Variants in RALA observed in about 807,000 individuals in gnomAD.
The protein encoded by RALA is ras-related protein Ral-A.
RALA carries 5 observed loss-of-function variants against 24.0 expected under a neutral mutation model. The ratio of observed to expected loss-of-function variants is 0.21; its 90% CI spans 0.11 to 0.44. The LOEUF (loss-of-function observed/expected upper bound fraction) is 0.44. Ranked by LOEUF, RALA falls within the 20% of genes least tolerant of loss-of-function variation. The pLI, the probability that RALA is intolerant of heterozygous loss-of-function variation, is 0.99. For synonymous variants in RALA, 77 were observed against 83.8 expected (o/e 0.92, Z 0.44); for missense variants, 95 against 241.2 (o/e 0.39, Z 4.01).
At chr7:39,698,539 A>G (rs1027627892) in intron 4 of RALA, among the ~76,000 whole-genome samples, 6 of 152,250 alleles carry the variant, frequency 3.9e-5, no homozygotes, top group Admixed American at 3.9e-4. Context: ...ATATTTTTAA[A>G]ATACTAATGA....
Position 39,706,798 on chromosome 7 carries a change from T to G in RALA, c.*553T>G, listed in dbSNP as rs1793127571. On this transcript the variant is annotated 3_prime_UTR_variant, in exon 5 of 5. Transcript: ENST00000005257. ...TGCTTTAATTACCTGGTGAGTAACTTAGAAAAGTGGTGTAAACTTGTACAT... is the reference window on the plus strand; with the variant it reads ...TGCTTTAATTACCTGGTGAGTAACTGAGAAAAGTGGTGTAAACTTGTACAT... The G allele has an allele frequency of 6.5e-6, 1 of 152,746 alleles. No individual in the cohort carries two copies. Among genetic ancestry groups the G allele is most frequent in the Non-Finnish European group, 1.5e-5 (1 of 68,152 alleles). 9.5% of individuals were successfully genotyped at this position (152,746 alleles called of 1,614,324 possible).
chr7:39,689,634 A>T (rs1046098061), intron 2 of RALA, among the ~76,000 whole-genome samples: 2 of 152,224 alleles, frequency 1.3e-5, no homozygotes, highest in Non-Finnish European at 2.9e-5. Context: ...ATCAAAAGAT[A>T]GGCCGGGCCT....
At chr7:39,644,198 TA>T (rs1157126328) in intron 1 of RALA, among the ~76,000 whole-genome samples, 2 of 150,466 alleles carry the variant, frequency 1.3e-5, no homozygotes, top group Non-Finnish European at 3.0e-5. Flanking sequence ...GGGAAATTCC[TA>T]TGTTTTTTTT....
intron 1 of RALA, among the ~76,000 whole-genome samples, chr7:39,651,882 C>T (rs1156339436): frequency 1.3e-5 from 2 of 152,062 alleles, no homozygotes; most frequent in Non-Finnish European, 2.9e-5. Flanking sequence ...TAATTTTTTA[C>T]TATGATGAAT....
intron 1 of RALA, among the ~76,000 whole-genome samples, chr7:39,640,532 A>T (rs374540538): frequency 2.8e-4 from 42 of 152,348 alleles, no homozygotes; most frequent in African/African-American, 9.9e-4. Context: ...TATTACAGAT[A>T]CAAATCTTAC....
At chr7:39,680,753 G>A (rs1455239906) in intron 1 of RALA, among the ~76,000 whole-genome samples, 1 of 151,932 alleles carries the variant, frequency 6.6e-6, no homozygotes, top group Non-Finnish European at 1.5e-5. Context: ...AACACTACCT[G>A]TTGAATTATT....
intron 1 of RALA, among the ~76,000 whole-genome samples, chr7:39,626,450 C>G (rs554936409): frequency 6.6e-6 from 1 of 152,224 alleles, no homozygotes; most frequent in Non-Finnish European, 1.5e-5. Context: ...AAAGGCAGTT[C>G]TGACTGAGCT....
chr7:39,676,314 G>T (rs918830732), intron 1 of RALA, among the ~76,000 whole-genome samples: 1 of 152,180 alleles, frequency 6.6e-6, no homozygotes, highest in Admixed American at 6.6e-5. Flanking sequence ...TCAGAGGCAA[G>T]GGAAATGCTT....
intron 3 of RALA, among the ~76,000 whole-genome samples, chr7:39,694,089 T>C (rs6956681): frequency 0.71 from 108,221 of 152,072 alleles, 39,629 homozygotes; most frequent in African/African-American, 0.89. Context: ...CATATATAAA[T>C]TAGTTTCTCA....
chr7:39,685,444 G>A (rs1792680946), intron 1 of RALA, among the ~76,000 whole-genome samples: 1 of 152,228 alleles, frequency 6.6e-6, no homozygotes, highest in South Asian at 2.1e-4. Flanking sequence ...AAGTCAAAGA[G>A]TTGCTGAGGA....
Position 39,623,612 on chromosome 7 carries a change from C to A in RALA, c.-251C>A. ...GAGCCGCCAGGAGGAGGGTGGATCT[C>A]CCCAGAGCAAAGCGTCGGAGTCCTC... On this transcript the variant is annotated 5_prime_UTR_variant, in exon 1 of 5. Coordinates refer to ENST00000005257, the MANE Select transcript of RALA (RefSeq NM_005402.4). The surrounding 1 kb of genome is among the most constrained non-coding windows in gnomAD (Gnocchi z 4.9). The A allele has an allele frequency of 6.5e-6, 1 of 153,630 alleles. No individual in the cohort carries two copies. Among genetic ancestry groups the A allele is most frequent in the Non-Finnish European group, 1.5e-5 (1 of 68,688 alleles). The allele number at this position is 153,630 out of a possible 1,614,324, so 9.5% of individuals were successfully genotyped here.
chr7:39,678,049 C>T (rs575395007), intron 1 of RALA, among the ~76,000 whole-genome samples: 9 of 102,172 alleles, frequency 8.8e-5, no homozygotes, highest in Non-Finnish European at 1.7e-4. Context: ...GTGGTGGGGT[C>T]GGGGGAGGGG....
chr7:39,662,582 G>A lies in RALA; in HGVS notation c.-37-24049G>A, dbSNP rs150063667. Among the ~76,000 whole-genome samples the A allele has an allele frequency of 2.0e-3, 306 of 152,196 alleles. 1 individual carries two copies. The highest frequency in any genetic ancestry group is 6.9e-3 in the African/African-American group (287 of 41,524). On this transcript the variant is annotated intron_variant, in intron 1 of 4. Transcript: ENST00000005257. Reference sequence around the variant, plus strand: ...TTCTCAGTCTCTTTGCTAAAACATAGCAAGAGTCACCTTTACTCCAATTCC... The same window carrying A: ...TTCTCAGTCTCTTTGCTAAAACATAACAAGAGTCACCTTTACTCCAATTCC...
At chr7:39,701,528 C>T (rs1190687655) in intron 4 of RALA, among the ~76,000 whole-genome samples, 2 of 152,122 alleles carry the variant, frequency 1.3e-5, no homozygotes, top group Non-Finnish European at 2.9e-5. Context: ...CAAAACAAAA[C>T]AATGGTTGGA....
chr7:39,685,383 G>C (rs935790177), intron 1 of RALA, among the ~76,000 whole-genome samples: 2 of 152,212 alleles, frequency 1.3e-5, no homozygotes, highest in Non-Finnish European at 2.9e-5. Context: ...GTAAACAGGA[G>C]GGGGCGTGGT....
chr7:39,706,442 A>G lies in RALA; in HGVS notation c.*197A>G, dbSNP rs1793121604. 1.9e-6 allele frequency: 1 copy of G among 524,840 alleles called. No individual in the cohort carries two copies. The highest frequency in any genetic ancestry group is 3.3e-6 in the Non-Finnish European group (1 of 302,638). The allele number at this position is 524,840 out of a possible 1,614,324, so 32.5% of individuals were successfully genotyped here. On this transcript the variant is annotated 3_prime_UTR_variant, in exon 5 of 5. Transcript: ENST00000005257. ...TTAATATGGCTTCACCAAGAAGCAA[A>G]GTTCAACTTATTTCATAATTGCCTA...
intron 4 of RALA, among the ~76,000 whole-genome samples, chr7:39,698,430 A>G (rs1792959933): frequency 6.6e-6 from 1 of 152,192 alleles, no homozygotes; most frequent in Non-Finnish European, 1.5e-5. Flanking sequence ...GATTATTGTA[A>G]AGATGAAATG....
At chr7:39,697,037 C>CTT (rs1435128726) in intron 4 of RALA, among the ~76,000 whole-genome samples, 178 bp downstream of exon 4, 2 of 152,178 alleles carry the variant, frequency 1.3e-5, no homozygotes, top group African/African-American at 4.8e-5. Flanking sequence ...TTGTCCTTAG[C>CTT]TTCCCAAGAG....
At chr7:39,669,220 G>C (rs1178207409) in intron 1 of RALA, among the ~76,000 whole-genome samples, 1 of 152,098 alleles carries the variant, frequency 6.6e-6, no homozygotes, top group Non-Finnish European at 1.5e-5. Flanking sequence ...TCCCCCTCTT[G>C]CTCCATCTCT....
Sources: allele counts gnomAD v4.1 joint callset (sites outside exome capture counted in the v4.1 genomes callset), GRCh38; gene constraint gnomAD v4.1.1; non-coding constraint Gnocchi (gnomAD v3.1); transcripts MANE v1.5; gene names NCBI Gene and HGNC (gene_info 2026-07-23, HGNC 2026-07-21).